The following USP25 variants were observed in gnomAD, a reference collection of about 807,000 sequenced individuals.
The protein encoded by USP25 is ubiquitin specific peptidase 25, also known as ubiquitin carboxyl-terminal hydrolase 25.
USP25 carries 85 observed loss-of-function variants against 158.5 expected under a neutral mutation model. That is an observed-to-expected ratio of 0.54 (90% CI 0.45 to 0.64). USP25 has a LOEUF of 0.64. Ranked by LOEUF, USP25 falls within the 30% of genes least tolerant of loss-of-function variation. USP25 has a pLI of 0.00. For synonymous variants in USP25, 464 were observed against 460.4 expected, an observed-to-expected ratio of 1.01 and a Z score of -0.10; for missense variants, 1,242 against 1,327.3, an observed-to-expected ratio of 0.94 and a Z score of 1.00.
intron 17 of USP25, among the ~76,000 whole-genome samples, chr21:15,841,968 A>T (rs558448229): frequency 1.8e-4 from 28 of 152,298 alleles, no homozygotes; most frequent in African/African-American, 6.3e-4. Flanking sequence ...GGTTAGGTTC[A>T]TTCAGGGTTA....
chr21:15,828,459 A>G (rs897747613), intron 14 of USP25, among the ~76,000 whole-genome samples: 1 of 152,192 alleles, frequency 6.6e-6, no homozygotes. Context: ...GAGACAACTG[A>G]CAGATGTGGG....
At chr21:15,853,340 T>C (rs537044690) in intron 20 of USP25, among the ~76,000 whole-genome samples, 3 of 151,984 alleles carry the variant, frequency 2.0e-5, no homozygotes, top group Admixed American at 1.3e-4. Context: ...CGTGTACACA[T>C]ACATGTACAC....
chr21:15,746,673 G>A (rs1309775773), intron 1 of USP25, among the ~76,000 whole-genome samples: 1 of 152,138 alleles, frequency 6.6e-6, no homozygotes, highest in Non-Finnish European at 1.5e-5. Context: ...TGGGATTACA[G>A]TTGTGAGCCA....
At chr21:15,845,775 C>G (rs2038554383) in intron 18 of USP25, among the ~76,000 whole-genome samples, 1 of 152,134 alleles carries the variant, frequency 6.6e-6, no homozygotes, top group Admixed American at 6.6e-5. Flanking sequence ...TTATATTTCA[C>G]TCTTGTGTAC....
At chr21:15,865,176 T>G (rs1329738895) in intron 21 of USP25, among the ~76,000 whole-genome samples, 3 of 152,156 alleles carry the variant, frequency 2.0e-5, no homozygotes. Flanking sequence ...ATTAAACTAC[T>G]AATGTTAAAA....
rs1158862222 is a variant in USP25, at chr21:15,872,014, GTTTTTTTTTTT to G, written c.2885+1883_2885+1893del. 8.4e-5 allele frequency among the ~76,000 whole-genome samples: 6 copies of G among 71,644 alleles called. No homozygotes were observed. In the East Asian group the frequency reaches 1.4e-3, roughly 16 times the overall value. The allele number at this position is 71,644 out of a possible 152,430, so 47.0% of individuals were successfully genotyped here. A position where few individuals can be genotyped will look rare whatever the true frequency, so the allele number is the denominator to read the frequency against. ...TCAAAAAAAAAAAGAAAGAAATACT[GTTTTTTTTTTT>G]TTTTTTTTTTTTTTTACTTTAAATC... On this transcript the variant is annotated intron_variant, in intron 23 of 25. Coordinates refer to ENST00000400183, the MANE Select transcript of USP25 (RefSeq NM_001283041.3).
chr21:15,874,894 C>T (rs76922476), intron 24 of USP25, among the ~76,000 whole-genome samples: 19,602 of 152,242 alleles, frequency 0.13, 1,304 homozygotes, highest in East Asian at 0.17. Context: ...CAGGCTGGCG[C>T]AGCAGCTCAT....
chr21:15,829,272 A>G (rs1015538434), intron 14 of USP25, among the ~76,000 whole-genome samples: 2 of 152,214 alleles, frequency 1.3e-5, no homozygotes, highest in African/African-American at 4.8e-5. Context: ...TAATAAGCAC[A>G]GTACCTGATA....
At chr21:15,804,548 T>C (rs956512696) in intron 6 of USP25, among the ~76,000 whole-genome samples, 1 of 152,044 alleles carries the variant, frequency 6.6e-6, no homozygotes, top group South Asian at 2.1e-4. Flanking sequence ...ATTAGTCTAA[T>C]AATTAAGATT....
intron 16 of USP25, among the ~76,000 whole-genome samples, chr21:15,832,553 T>C (rs539467910): frequency 2.9e-4 from 44 of 152,294 alleles, no homozygotes; most frequent in Admixed American, 2.6e-3. Flanking sequence ...TATTTAAGTC[T>C]ACTTAATTTC....
intron 5 of USP25, among the ~76,000 whole-genome samples, chr21:15,797,253 A>G (rs960625445): frequency 2.0e-5 from 3 of 151,314 alleles, no homozygotes; most frequent in Non-Finnish European, 4.4e-5. Flanking sequence ...AAACTTGAGA[A>G]AGATCAAGCC....
chr21:15,730,267 G>T lies in USP25; in HGVS notation c.-127G>T. 3.2e-6 allele frequency: 3 copies of T among 951,370 alleles called. No homozygotes were observed. The highest frequency in any genetic ancestry group is 3.8e-6 in the Non-Finnish European group (3 of 798,530). The allele number at this position is 951,370 out of a possible 1,614,324, so 58.9% of individuals were successfully genotyped here. On this transcript the variant is annotated 5_prime_UTR_variant, in exon 1 of 26. Transcript: ENST00000400183. The stretch of plus-strand genomic sequence containing the variant: ...GCCATCGCCTTCGCGCCTGGCTGGC[G>T]GGGGCGCTGTCCTCCCAGGCCGTCC...
intron 1 of USP25, among the ~76,000 whole-genome samples, chr21:15,752,399 A>G (rs1470208708): frequency 6.6e-6 from 1 of 152,036 alleles, no homozygotes; most frequent in East Asian, 1.9e-4. Context: ...TATTTTTAGT[A>G]GAGACTGGGT....
intron 24 of USP25, chr21:15,876,818 T>C (rs990199090): frequency 3.1e-4 from 47 of 152,312 alleles, no homozygotes; most frequent in African/African-American, 1.1e-3. Context: ...CAAAATAAAT[T>C]GCATAAGAAT....
chr21:15,813,395 G>C (rs191120730), intron 9 of USP25, among the ~76,000 whole-genome samples: 5 of 152,140 alleles, frequency 3.3e-5, no homozygotes, highest in Admixed American at 6.5e-5. Context: ...TTGTAGTTTT[G>C]TATCATATTC....
chr21:15,733,224 C>G (rs1333705246), intron 1 of USP25, among the ~76,000 whole-genome samples: 2 of 136,598 alleles, frequency 1.5e-5, no homozygotes, highest in East Asian at 2.3e-4. Context: ...CTCCCAGGGA[C>G]CAAATTAATT....
rs532377618 is a variant in USP25, at chr21:15,730,355, G to A, written c.-39G>A. 1,061 of 1,172,348 alleles carry A rather than the reference G, an allele frequency of 9.1e-4. 4 individuals are homozygous for A. The African/African-American group carries it at 0.017, about 19-fold the overall frequency. The allele number at this position is 1,172,348 out of a possible 1,614,324, so 72.6% of individuals were successfully genotyped here. On this transcript the variant is annotated 5_prime_UTR_variant, in exon 1 of 26. Coordinates refer to ENST00000400183, the MANE Select transcript of USP25 (RefSeq NM_001283041.3). ...GGGCCGGCGGAGGCGCGAGGAGCCGGGCGCCACCGCCGCCGCCGCCGCCGC... is the reference window on the plus strand; with the variant it reads ...GGGCCGGCGGAGGCGCGAGGAGCCGAGCGCCACCGCCGCCGCCGCCGCCGC...
In USP25 at chr21:15,791,500, A is replaced by G. The variant is rs2035589731; in HGVS notation, c.393-2A>G. 1 of 1,596,844 alleles carries G rather than the reference A, an allele frequency of 6.3e-7. No homozygotes were observed. The highest frequency in any genetic ancestry group is 2.2e-5 in the East Asian group (1 of 44,484). On this transcript the variant is annotated splice_acceptor_variant, in intron 4 of 25. Transcript: ENST00000400183. LOFTEE classifies it high-confidence loss of function. ...CTGCATTTTTTTCCACCATTGATTAAGAGTTCTTGAAGCCAGCATAGCAGA... is the reference window on the plus strand; with the variant it reads ...CTGCATTTTTTTCCACCATTGATTAGGAGTTCTTGAAGCCAGCATAGCAGA...
chr21:15,750,181 C>CGTGTGTGTGTGT (rs367779613), intron 1 of USP25, among the ~76,000 whole-genome samples: 1 of 126,942 alleles, frequency 7.9e-6, no homozygotes, highest in African/African-American at 3.4e-5. Context: ...TCTCCAGTGC[C>CGTGTGTGTGTGT]GTGTGTGTGT....
Sources: gnomAD v4.1 joint callset for allele counts (sites outside exome capture counted in the v4.1 genomes callset) on GRCh38, gnomAD v4.1.1 for gene constraint, MANE v1.5 for transcripts, NCBI Gene and HGNC (gene_info 2026-07-23, HGNC 2026-07-21) for gene names.